The following MGAT4C variants were observed in gnomAD, a reference collection of about 807,000 sequenced individuals.
MGAT4C encodes MGAT4 family member C.
Under a neutral mutation model 40.1 loss-of-function variants are expected in MGAT4C, and 19 were observed. That is an observed-to-expected ratio of 0.47 (90% CI 0.33 to 0.70). The LOEUF (loss-of-function observed/expected upper bound fraction) is 0.70, where lower values mean the gene tolerates loss of function less well. Among genes scored for constraint, MGAT4C ranks in the 30% least tolerant of loss-of-function variants. The pLI is 0.02. For missense variants in MGAT4C, 491 were observed against 563.2 expected (o/e 0.87, Z 1.30); for synonymous variants, 181 against 187.1 (o/e 0.97, Z 0.27).
chr12:86,300,584 A>G (rs910996257), intron 4 of MGAT4C, among the ~76,000 whole-genome samples: 1 of 152,148 alleles, frequency 6.6e-6, no homozygotes, highest in Non-Finnish European at 1.5e-5. Flanking sequence ...TGTTTTAACC[A>G]AGAAGTGATA....
intron 1 of MGAT4C, among the ~76,000 whole-genome samples, chr12:86,799,555 T>C (rs1347813157): frequency 1.3e-5 from 2 of 151,888 alleles, no homozygotes; most frequent in Non-Finnish European, 2.9e-5. Context: ...CAAATAGCTT[T>C]TATATTTCAA....
Position 86,093,600 on chromosome 12 carries a change from C to T in MGAT4C, c.-56-43877G>A, listed in dbSNP as rs1045732731. ...AAAATTAGCTGGGTGTGGTGGTACT[C>T]GCCTGTAGTCCCAGCTACTCGGGAG... is the stretch of plus-strand genomic sequence containing the variant. On this transcript the variant is annotated intron_variant, in intron 1 of 4. Transcript: ENST00000611864. Among the ~76,000 whole-genome samples the T allele has an allele frequency of 3.3e-5, 5 of 151,824 alleles. No individual in the cohort carries two copies. In the East Asian group the frequency reaches 9.7e-4, roughly 30 times the overall value.
chr12:86,175,174 A>G (rs752645100), intron 1 of MGAT4C, among the ~76,000 whole-genome samples: 2 of 152,210 alleles, frequency 1.3e-5, no homozygotes, highest in Admixed American at 6.5e-5. Flanking sequence ...AATGTACGAT[A>G]TAATCAAGTT....
At chr12:86,374,366 T>G (rs1955784817) in intron 3 of MGAT4C, among the ~76,000 whole-genome samples, 1 of 152,150 alleles carries the variant, frequency 6.6e-6, no homozygotes, top group South Asian at 2.1e-4. Flanking sequence ...AAATATCTAG[T>G]ACTCAAGTGA....
At position 86,093,968 on chromosome 12, in the gene MGAT4C, T is replaced by C. The variant is rs1015917513; in HGVS notation, c.-56-44245A>G. ...ATTCTTGTAATTATTAGTTTACTTTTATGTCTTACTCATAGACACTGAAGT... is the reference window on the plus strand; with the variant it reads ...ATTCTTGTAATTATTAGTTTACTTTCATGTCTTACTCATAGACACTGAAGT... On this transcript the variant is annotated intron_variant, in intron 1 of 4. Coordinates refer to ENST00000611864, the MANE Select transcript of MGAT4C (RefSeq NM_001351288.2). 2.6e-5 allele frequency among the ~76,000 whole-genome samples: 4 copies of C among 152,348 alleles called. No homozygotes were observed. In the East Asian group the frequency reaches 7.7e-4, roughly 29 times the overall value.
At chr12:86,799,000 GC>G (rs1952178373) in intron 1 of MGAT4C, among the ~76,000 whole-genome samples, 1 of 151,770 alleles carries the variant, frequency 6.6e-6, no homozygotes, top group African/African-American at 2.4e-5. Context: ...AATTTAATTT[GC>G]CTTCTAGCAT....
At chr12:86,758,980 G>A (rs1951353297) in intron 1 of MGAT4C, among the ~76,000 whole-genome samples, 1 of 151,888 alleles carries the variant, frequency 6.6e-6, no homozygotes, top group Admixed American at 6.6e-5. Flanking sequence ...AGAACATCAT[G>A]GCCTATTCTT....
chr12:86,737,557 T>C (rs1272024876), intron 1 of MGAT4C, among the ~76,000 whole-genome samples: 3 of 151,406 alleles, frequency 2.0e-5, no homozygotes, highest in Non-Finnish European at 3.0e-5. Context: ...ACAAATTCCA[T>C]GCCAGTACCG....
chr12:86,353,934 G>A (rs1955241783), intron 3 of MGAT4C, among the ~76,000 whole-genome samples: 1 of 152,090 alleles, frequency 6.6e-6, no homozygotes, highest in South Asian at 2.1e-4. Flanking sequence ...TATTTAGAGA[G>A]TACAAGGTAA....
At chr12:86,379,839 T>C (rs905943864) in intron 3 of MGAT4C, among the ~76,000 whole-genome samples, 4 of 152,216 alleles carry the variant, frequency 2.6e-5, no homozygotes, top group East Asian at 3.9e-4. Context: ...TTTTGTTTTA[T>C]CCTGAGTTAG....
intron 2 of MGAT4C, among the ~76,000 whole-genome samples, chr12:86,027,171 T>C (rs571099403): frequency 1.3e-5 from 2 of 151,996 alleles, no homozygotes; most frequent in South Asian, 2.1e-4. Flanking sequence ...AGTGTCATAA[T>C]AGAAGAGGAA....
At chr12:86,091,263 A>T (rs1872831339) in intron 1 of MGAT4C, among the ~76,000 whole-genome samples, 1 of 152,088 alleles carries the variant, frequency 6.6e-6, no homozygotes, top group Non-Finnish European at 1.5e-5. Context: ...AGATTTGAGT[A>T]AATGAGGCAG....
rs79193333 is a variant in MGAT4C, at chr12:86,459,364, C to T, written c.-228-24099G>A. Reference sequence around the variant, plus strand: ...TGACTTGGACTTAACCAAGAGGGAGCCTATATTGGGTGGGTGTCAGGGAGA... The same window carrying T: ...TGACTTGGACTTAACCAAGAGGGAGTCTATATTGGGTGGGTGTCAGGGAGA... On this transcript the variant is annotated intron_variant, in intron 2 of 7. Coordinates refer to the MGAT4C transcript ENST00000548651. 0.019 allele frequency among the ~76,000 whole-genome samples: 2,953 copies of T among 151,750 alleles called. 208 individuals are homozygous for T. The East Asian group carries it at 0.23, about 12-fold the overall frequency.
intron 2 of MGAT4C, among the ~76,000 whole-genome samples, chr12:86,602,558 AATGTTATTTTAATACTGATATACCAGT>A (rs1227381006): frequency 3.9e-5 from 6 of 152,232 alleles, no homozygotes; most frequent in African/African-American, 1.4e-4. Flanking sequence ...ATAGACCAGT[AATGTTATTTTAATACTGATATACCAGT>A]ATGTTATATT....
chr12:86,048,095 G>A (rs1241373629), intron 2 of MGAT4C, among the ~76,000 whole-genome samples: 1 of 152,016 alleles, frequency 6.6e-6, no homozygotes, highest in Non-Finnish European at 1.5e-5. Flanking sequence ...GACTCAAACA[G>A]AATTTCTTAA....
At chr12:86,501,394 T>G (rs1253090781) in intron 2 of MGAT4C, among the ~76,000 whole-genome samples, 4 of 152,050 alleles carry the variant, frequency 2.6e-5, no homozygotes, top group Admixed American at 2.6e-4. Flanking sequence ...TGTTACACAG[T>G]TAAACGCGTA....
chr12:86,736,956 T>C (rs1262477858), intron 1 of MGAT4C, among the ~76,000 whole-genome samples: 1 of 150,446 alleles, frequency 6.6e-6, no homozygotes, highest in African/African-American at 2.4e-5. Flanking sequence ...TCTTGAACCA[T>C]CAAATTTTCC....
At chr12:86,804,449 GA>G in intron 1 of MGAT4C, among the ~76,000 whole-genome samples, 1 of 141,704 alleles carries the variant, frequency 7.1e-6, no homozygotes, top group South Asian at 2.2e-4. Flanking sequence ...AATAAATAAA[GA>G]AAGAAAGAAG....
chr12:86,650,611 G>C (rs1963668754), intron 2 of MGAT4C, among the ~76,000 whole-genome samples: 1 of 151,824 alleles, frequency 6.6e-6, no homozygotes, highest in South Asian at 2.1e-4. Flanking sequence ...GCCCTCTAGT[G>C]GGTCTAGAAG....
Sources: allele counts gnomAD v4.1 joint callset (sites outside exome capture counted in the v4.1 genomes callset), GRCh38; gene constraint gnomAD v4.1.1; transcripts MANE v1.5; gene names NCBI Gene and HGNC (gene_info 2026-07-23, HGNC 2026-07-21).